The following LNX2 variants were observed in gnomAD, a reference collection of about 807,000 sequenced individuals.
LNX2 encodes ligand of numb-protein X 2.
LNX2 carries 35 observed loss-of-function variants against 66.2 expected under a neutral mutation model. The observed-to-expected ratio is 0.53, with a 90% CI of 0.40 to 0.70. LNX2 has a LOEUF of 0.70. Ranked by LOEUF, LNX2 falls within the 30% of genes least tolerant of loss-of-function variation. LNX2 has a pLI of 0.00. For synonymous variants in LNX2, 337 were observed against 315.6 expected (o/e 1.07, Z -0.72); for missense variants, 791 against 850.8 (o/e 0.93, Z 0.87).
intron 1 of LNX2, among the ~76,000 whole-genome samples, chr13:27,615,672 T>G (rs906414268): frequency 6.6e-6 from 1 of 152,114 alleles, no homozygotes; most frequent in Non-Finnish European, 1.5e-5. Flanking sequence ...GCTTTGCAGA[T>G]TCCAAGGAAT....
chr13:27,582,691 TGAG>T (rs752554186), intron 1 of LNX2, among the ~76,000 whole-genome samples: 14 of 151,902 alleles, frequency 9.2e-5, no homozygotes, highest in Admixed American at 2.6e-4. Flanking sequence ...AGTTGAACAA[TGAG>T]AAGAAATGGA....
chr13:27,547,206 AG>A lies in LNX2; in HGVS notation c.*1128del, dbSNP rs569811641. ...TAAATCACAAAAACATTTCTAGCCA[AG>A]ATTACTGCTAAGAATAACACAACTC... On this transcript the variant is annotated 3_prime_UTR_variant, in exon 10 of 10. Coordinates refer to ENST00000316334, the MANE Select transcript of LNX2 (RefSeq NM_153371.4). 4.5e-4 allele frequency: 68 copies of A among 152,348 alleles called. No individual in the cohort carries two copies. The highest frequency in any genetic ancestry group is 1.5e-3 in the African/African-American group (62 of 41,584). The allele number at this position is 152,348 out of a possible 1,614,324, so 9.4% of individuals were successfully genotyped here. A position where few individuals can be genotyped will look rare whatever the true frequency, so the allele number is the denominator to read the frequency against.
rs867615669 is a variant in LNX2 at position 27,549,021 on chromosome 13, T to C, written c.1938-551A>G. ...TGGTCTTCTATTTATACCATAAATA[T>C]ACTATTTTATTGTTAACTACCTCAA... On this transcript the variant is annotated intron_variant, in intron 9 of 9. Coordinates refer to ENST00000316334, the MANE Select transcript of LNX2 (RefSeq NM_153371.4). 6.6e-5 allele frequency among the ~76,000 whole-genome samples: 10 copies of C among 152,324 alleles called. No homozygotes were observed. The Middle Eastern group carries it at 0.01, about 155-fold the overall frequency.
chr13:27,595,419 C>T (rs540523326), intron 1 of LNX2, among the ~76,000 whole-genome samples: 1 of 152,280 alleles, frequency 6.6e-6, no homozygotes, highest in Admixed American at 6.5e-5. Flanking sequence ...CTCTATACCC[C>T]CATGCCTGAC....
intron 8 of LNX2, among the ~76,000 whole-genome samples, chr13:27,552,117 T>C (rs1955014984): frequency 6.6e-6 from 1 of 152,236 alleles, no homozygotes; most frequent in Admixed American, 6.5e-5. Flanking sequence ...ATCTTTGCTA[T>C]TATGCCTGGC....
At chr13:27,549,266 C>A (rs1257303956) in intron 9 of LNX2, among the ~76,000 whole-genome samples, 2 of 152,138 alleles carry the variant, frequency 1.3e-5, no homozygotes, top group East Asian at 3.9e-4. Context: ...AAACAGTGTA[C>A]ATTCTCCATC....
rs147250353 is a variant in LNX2 at position 27,555,128 on chromosome 13, T to C, written c.1546+1108A>G. Among the ~76,000 whole-genome samples, 10 of 152,288 alleles carry C rather than the reference T, an allele frequency of 6.6e-5. No individual in the cohort carries two copies. In the East Asian group the frequency reaches 1.9e-3, roughly 29 times the overall value. On this transcript the variant is annotated intron_variant, in intron 7 of 9. Coordinates refer to ENST00000316334, the MANE Select transcript of LNX2 (RefSeq NM_153371.4). ...CACAGCTAGCTAATTTTTGTATTTT[T>C]TGTAGAGACAAGGTTGTGCCATATT...
intron 2 of LNX2, among the ~76,000 whole-genome samples, chr13:27,574,842 C>T (rs139428403): frequency 1.3e-5 from 2 of 152,248 alleles, no homozygotes; most frequent in Non-Finnish European, 2.9e-5. Flanking sequence ...AGGAAAGGAT[C>T]CTCAATAGTA....
chr13:27,557,780 C>T (rs1371051038), intron 6 of LNX2, among the ~76,000 whole-genome samples: 1 of 151,942 alleles, frequency 6.6e-6, no homozygotes, highest in African/African-American at 2.4e-5. Context: ...GCATAGTATT[C>T]CCAGAAAATG....
At chr13:27,562,842 T>G in intron 4 of LNX2, 61 bp from the exon 5 acceptor site, 1 of 1,531,902 alleles carries the variant, frequency 6.5e-7, no homozygotes. Flanking sequence ...TTTGTAGGAA[T>G]GTTTATGTGA....
chr13:27,619,392 C>T (rs949966514), intron 1 of LNX2, among the ~76,000 whole-genome samples: 1 of 152,204 alleles, frequency 6.6e-6, no homozygotes, highest in Non-Finnish European at 1.5e-5. Context: ...GATCCAACTT[C>T]ATTAGTGCTG....
intron 1 of LNX2, among the ~76,000 whole-genome samples, chr13:27,608,937 T>C (rs1955746480): frequency 6.6e-6 from 1 of 151,880 alleles, no homozygotes; most frequent in Non-Finnish European, 1.5e-5. Flanking sequence ...CCAGAGTAGC[T>C]GGGACTATAG....
In LNX2 at chr13:27,583,245, T is replaced by A. The variant is rs371999038; in HGVS notation, c.-100-1442A>T. Among the ~76,000 whole-genome samples the A allele has an allele frequency of 2.5e-4, 8 of 32,216 alleles. 1 individual carries two copies. The South Asian group carries it at 5.4e-3, about 22-fold the overall frequency. The allele number at this position is 32,216 out of a possible 152,430, so 21.1% of individuals were successfully genotyped here. Reference sequence around the variant, plus strand: ...GTGTGTGTGTGTGTGTGTGTGTGTGTGTGTGTGTGTGCGCGCGTCCTCTCC... The same window carrying A: ...GTGTGTGTGTGTGTGTGTGTGTGTGAGTGTGTGTGTGCGCGCGTCCTCTCC... On this transcript the variant is annotated intron_variant, in intron 1 of 9. Coordinates refer to ENST00000316334, the MANE Select transcript of LNX2 (RefSeq NM_153371.4).
rs570981405 is a variant in LNX2 at position 27,547,221 on chromosome 13, A to G, written c.*1114T>C. 3.6e-4 allele frequency: 55 copies of G among 152,358 alleles called. No homozygotes were observed. The highest frequency in any genetic ancestry group is 1.1e-3 in the African/African-American group (45 of 41,596). 9.4% of individuals were successfully genotyped at this position (152,358 alleles called of 1,614,324 possible). The stretch of plus-strand genomic sequence containing the variant: ...TTTCTAGCCAAGATTACTGCTAAGA[A>G]TAACACAACTCTAGAAATAATTTTT... On this transcript the variant is annotated 3_prime_UTR_variant, in exon 10 of 10. Transcript: ENST00000316334.
chr13:27,599,077 A>G (rs964826503), intron 1 of LNX2, among the ~76,000 whole-genome samples: 8 of 152,202 alleles, frequency 5.3e-5, no homozygotes, highest in Non-Finnish European at 1.2e-4. Flanking sequence ...ACAGAATTCA[A>G]TAATTATATG....
intron 4 of LNX2, among the ~76,000 whole-genome samples, chr13:27,565,065 T>A (rs1049569728): frequency 2.6e-5 from 4 of 152,166 alleles, no homozygotes; most frequent in Admixed American, 2.0e-4. Flanking sequence ...ATTATTGGAG[T>A]TATTAGTATA....
chr13:27,596,895 GTC>G (rs1955604443), intron 1 of LNX2, among the ~76,000 whole-genome samples: 2 of 152,152 alleles, frequency 1.3e-5, no homozygotes, highest in South Asian at 4.1e-4. Flanking sequence ...ACAGATAAAT[GTC>G]TCTGTAAAGT....
In LNX2 at chr13:27,615,350, C is replaced by A. The variant is rs532624190; in HGVS notation, c.-101+5025G>T. Among the ~76,000 whole-genome samples, 18 of 152,200 alleles carry A rather than the reference C, an allele frequency of 1.2e-4. 1 individual carries two copies. On this transcript the variant is annotated intron_variant, in intron 1 of 9. Coordinates refer to ENST00000316334, the MANE Select transcript of LNX2 (RefSeq NM_153371.4). ...CAGGGCGAGGTACGGGGAAGGGGTG[C>A]GGAGCGTCCATGCCCTCTCTGGGGC... is the stretch of plus-strand genomic sequence containing the variant.
In LNX2 at chr13:27,553,254, C is replaced by G. The variant is rs1243924644; in HGVS notation, c.1732G>C (p.Asp578His). The change falls in exon 8 of 10, where the codon GAT (aspartate) becomes CAT (histidine). Residue 578 changes from aspartate (D) to histidine (H), a missense_variant. Transcript: ENST00000316334. ...ACCCATGATGGGGACCAACTGGCAT[C>G]ATACTCATTTTCGCTGAAAGTACTC... ...QPSTFSENEY[D>H]ASWSPSWVMW... 1 of 1,614,138 alleles carries G rather than the reference C, an allele frequency of 6.2e-7. No individual in the cohort carries two copies. The highest frequency in any genetic ancestry group is 1.7e-5 in the Admixed American group (1 of 60,018).
Sources: gnomAD v4.1 joint callset for allele counts (sites outside exome capture counted in the v4.1 genomes callset) on GRCh38, gnomAD v4.1.1 for gene constraint, MANE v1.5 for transcripts, NCBI Gene and HGNC (gene_info 2026-07-23, HGNC 2026-07-21) for gene names.